The following ABCB5 variants were observed in gnomAD, a reference collection of about 807,000 sequenced individuals.
The protein encoded by ABCB5 is ATP-binding cassette sub-family B member 5.
ABCB5 carries 155 observed loss-of-function variants against 144.2 expected under a neutral mutation model. That is an observed-to-expected ratio of 1.08 (90% CI 0.94 to 1.23). The LOEUF (loss-of-function observed/expected upper bound fraction) is 1.23, where lower values mean the gene tolerates loss of function less well. Ranked by LOEUF, ABCB5 falls within the 50% of genes most tolerant of loss-of-function variation. The pLI is 0.00. For synonymous variants in ABCB5, 610 were observed against 528.6 expected (o/e 1.15, Z -2.11); for missense variants, 1,830 against 1,520.8 (o/e 1.20, Z -3.38).
In ABCB5 at chr7:20,661,532, T is replaced by TTC. The variant is rs1339836886; in HGVS notation, c.1707+2858_1707+2859dup. Among the ~76,000 whole-genome samples, 32 of 125,646 alleles carry TTC rather than the reference T, an allele frequency of 2.5e-4. No individual in the cohort carries two copies. The East Asian group carries it at 3.3e-3, about 13-fold the overall frequency. The allele number at this position is 125,646 out of a possible 152,430, so 82.4% of individuals were successfully genotyped here. A position where few individuals can be genotyped will look rare whatever the true frequency, so the allele number is the denominator to read the frequency against. On this transcript the variant is annotated intron_variant, in intron 14 of 27. Coordinates refer to ENST00000404938, the MANE Select transcript of ABCB5 (RefSeq NM_001163941.2). ...AATATTCTTTTTTGCTTTCTTTCTT[T>TTC]TCTTTTTCTTTTTTTTTTTTTGAGA...
chr7:20,720,817 G>A (rs12534504), intron 20 of ABCB5, among the ~76,000 whole-genome samples: 72,706 of 150,960 alleles, frequency 0.48, 17,876 homozygotes, highest in East Asian at 0.79. Context: ...GGTGGTGCGC[G>A]CCTGTAGTCC....
In ABCB5 at chr7:20,685,843, G is replaced by A; in HGVS notation, c.2010+7G>A. 6.3e-7 allele frequency: 1 copy of A among 1,575,498 alleles called. No individual in the cohort carries two copies. Among genetic ancestry groups the A allele is most frequent in the Non-Finnish European group, 8.6e-7 (1 of 1,167,126 alleles). On this transcript the variant is annotated splice_region_variant and intron_variant, in intron 16 of 27. Transcript: ENST00000404938. The stretch of plus-strand genomic sequence containing the variant: ...ATCCACCCAATCTAAAGAGGTAATG[G>A]CTCAGCGATCAACCAGTTTTTCCTG...
At position 20,749,484 on chromosome 7, in the gene ABCB5, C is replaced by T. The variant is rs748001650; in HGVS notation, c.3430-3876C>T. Among the ~76,000 whole-genome samples the T allele has an allele frequency of 3.7e-4, 55 of 149,416 alleles. 1 individual carries two copies. The highest frequency in any genetic ancestry group is 6.8e-4 in the Non-Finnish European group (46 of 67,512). On this transcript the variant is annotated intron_variant, in intron 26 of 27. Coordinates refer to ENST00000404938, the MANE Select transcript of ABCB5 (RefSeq NM_001163941.2). ...AACTCCCGGCTTCAAGTGATCCACC[C>T]GCCTCGGCTTCCCAAAGACACTGTG...
chr7:20,615,913 T>C (rs1040356748), intron 1 of ABCB5, 76 bp downstream of exon 1: 1 of 152,326 alleles, frequency 6.6e-6, no homozygotes, highest in African/African-American at 2.4e-5. Context: ...TTCTCCATCT[T>C]AGAAAGAATA....
intron 14 of ABCB5, among the ~76,000 whole-genome samples, chr7:20,665,985 C>A (rs1785179579): frequency 6.6e-6 from 1 of 151,160 alleles, no homozygotes; most frequent in African/African-American, 2.4e-5. Flanking sequence ...GCCTGACCAA[C>A]ATGGAGAAAC....
At chr7:20,642,237 C>A (rs1583386720) in intron 5 of ABCB5, among the ~76,000 whole-genome samples, 1 of 152,160 alleles carries the variant, frequency 6.6e-6, no homozygotes, top group Admixed American at 6.5e-5. Context: ...AATTCTCCAG[C>A]CTCATTATTT....
chr7:20,748,095 A>G (rs994105077), intron 26 of ABCB5, among the ~76,000 whole-genome samples: 1 of 152,184 alleles, frequency 6.6e-6, no homozygotes, highest in Non-Finnish European at 1.5e-5. Context: ...GAAACTCAGC[A>G]TTTGAACCTG....
intron 13 of ABCB5, among the ~76,000 whole-genome samples, chr7:20,657,044 CCTGA>C (rs563717764): frequency 4.4e-4 from 67 of 151,660 alleles, no homozygotes; most frequent in South Asian, 2.7e-3. Context: ...ACCTCAGCCT[CCTGA>C]GTAGCTCATG....
chr7:20,738,289 T>C (rs1052523100), intron 23 of ABCB5, among the ~76,000 whole-genome samples: 1 of 152,218 alleles, frequency 6.6e-6, no homozygotes, highest in Non-Finnish European at 1.5e-5. Flanking sequence ...TATTTAACCA[T>C]GGTCAGGTCC....
intron 3 of ABCB5, 31 bp from the exon 4 acceptor site, chr7:20,628,657 T>G: frequency 6.2e-7 from 1 of 1,600,468 alleles, no homozygotes; most frequent in Non-Finnish European, 8.5e-7. Context: ...TGTTTTACAG[T>G]TGTGGTGCTA....
intron 15 of ABCB5, among the ~76,000 whole-genome samples, chr7:20,682,395 C>T (rs915462266): frequency 1.3e-5 from 2 of 152,038 alleles, no homozygotes; most frequent in African/African-American, 4.8e-5. Flanking sequence ...TGGGGAGAGA[C>T]AGAGCTATAT....
intron 20 of ABCB5, among the ~76,000 whole-genome samples, chr7:20,715,806 G>A (rs915656338): frequency 2.7e-5 from 4 of 150,142 alleles, no homozygotes; most frequent in African/African-American, 4.9e-5. Flanking sequence ...TGCAACCTCC[G>A]CCTCCCGGGT....
chr7:20,651,737 T>C lies in ABCB5; in HGVS notation c.1536+114T>C, dbSNP rs6952503. ...GAATAGTAGGGGTGTGATTAAATTC[T>C]GGATTGTCCTAGAACAAGCTTGTCC... On this transcript the variant is annotated intron_variant, in intron 13 of 27. Coordinates refer to ENST00000404938, the MANE Select transcript of ABCB5 (RefSeq NM_001163941.2). 0.017 allele frequency: 19,109 copies of C among 1,147,024 alleles called. 1,336 individuals are homozygous for C. The African/African-American group carries it at 0.18, about 11-fold the overall frequency. The allele number at this position is 1,147,024 out of a possible 1,614,324, so 71.1% of individuals were successfully genotyped here. A position where few individuals can be genotyped will look rare whatever the true frequency, so the allele number is the denominator to read the frequency against.
intron 23 of ABCB5, among the ~76,000 whole-genome samples, chr7:20,734,386 G>T (rs1324535639): frequency 6.7e-6 from 1 of 149,544 alleles, no homozygotes; most frequent in East Asian, 2.0e-4. Flanking sequence ...TCTAGGAGCT[G>T]GTTAAAACTG....
At chr7:20,616,567 G>T (rs949873729) in intron 1 of ABCB5, among the ~76,000 whole-genome samples, 6 of 152,064 alleles carry the variant, frequency 3.9e-5, no homozygotes, top group African/African-American at 1.4e-4. Context: ...ACATTTTCTT[G>T]TATGTTCCAT....
chr7:20,622,965 GACAA>G (rs1447073913), intron 1 of ABCB5, among the ~76,000 whole-genome samples: 1 of 152,100 alleles, frequency 6.6e-6, no homozygotes, highest in Admixed American at 6.6e-5. Context: ...CTAATATCCT[GACAA>G]ACAGTGCATT....
chr7:20,695,868 A>C (rs890446815), intron 16 of ABCB5, among the ~76,000 whole-genome samples: 1 of 152,050 alleles, frequency 6.6e-6, no homozygotes, highest in Non-Finnish European at 1.5e-5. Flanking sequence ...CACAATGAGA[A>C]ATCACTATAC....
chr7:20,679,046 T>C (rs1785700298), intron 14 of ABCB5, among the ~76,000 whole-genome samples: 1 of 152,126 alleles, frequency 6.6e-6, no homozygotes, highest in South Asian at 2.1e-4. Context: ...TAGGAAAACA[T>C]CTGTGTGACC....
chr7:20,674,136 T>C lies in ABCB5; in HGVS notation c.1708-7369T>C, dbSNP rs115817793. Among the ~76,000 whole-genome samples the C allele has an allele frequency of 6.7e-3, 1,014 of 152,092 alleles. 5 individuals carry two copies. The highest frequency in any genetic ancestry group is 0.023 in the African/African-American group (973 of 41,558). ...AAACTCCATGCCACATTGTAACTTT[T>C]AAAATTAATCATTAGTTTTTAAAAA... On this transcript the variant is annotated intron_variant, in intron 14 of 27. Transcript: ENST00000404938.
Sources: gnomAD v4.1 joint callset for allele counts (sites outside exome capture counted in the v4.1 genomes callset) on GRCh38, gnomAD v4.1.1 for gene constraint, MANE v1.5 for transcripts, NCBI Gene and HGNC (gene_info 2026-07-23, HGNC 2026-07-21) for gene names.